Variants in SVIL observed in about 807,000 individuals in gnomAD.
SVIL encodes the protein archvillin.
Under a neutral mutation model 240.4 loss-of-function variants are expected in SVIL, and 101 were observed. That is an observed-to-expected ratio of 0.42 (90% confidence interval 0.36 to 0.50). SVIL has a LOEUF of 0.50. Ranked by LOEUF, SVIL falls within the 20% of genes least tolerant of loss-of-function variation. The pLI, the probability that SVIL is intolerant of heterozygous loss-of-function variation, is 0.01. For synonymous variants in SVIL, 999 were observed against 1,100.0 expected (o/e 0.91, Z 1.82); for missense variants, 2,512 against 2,818.7 (o/e 0.89, Z 2.46).
At chr10:29,571,509 TAAGTG>T (rs1284329119) in intron 1 of SVIL, among the ~76,000 whole-genome samples, 5 of 152,296 alleles carry the variant, frequency 3.3e-5, no homozygotes, top group South Asian at 2.1e-4. Flanking sequence ...TTGGCTAAGT[TAAGTG>T]AAGTATTTTA....
At chr10:29,703,841 G>T (rs939136122) in intron 1 of SVIL, among the ~76,000 whole-genome samples, 2 of 152,136 alleles carry the variant, frequency 1.3e-5, no homozygotes, top group Non-Finnish European at 2.9e-5. Context: ...TAGATCAGTC[G>T]CCCAGGCTGG....
At chr10:29,684,971 T>C (rs1564761755) in intron 2 of SVIL, among the ~76,000 whole-genome samples, 1 of 152,094 alleles carries the variant, frequency 6.6e-6, no homozygotes, top group Non-Finnish European at 1.5e-5. Context: ...GTTTATTACG[T>C]AGGTAAAACT....
At chr10:29,516,551 G>A (rs1157006654) in intron 16 of SVIL, among the ~76,000 whole-genome samples, 6 of 152,192 alleles carry the variant, frequency 3.9e-5, no homozygotes, top group African/African-American at 4.8e-5. Context: ...TCGAGGAGCC[G>A]ACGTCTGGGC....
At chr10:29,721,631 T>C (rs183916232) in intron 1 of SVIL, among the ~76,000 whole-genome samples, 1 of 152,166 alleles carries the variant, frequency 6.6e-6, no homozygotes, top group Non-Finnish European at 1.5e-5. Context: ...TTCATAATGA[T>C]AAAGTCACCA....
chr10:29,556,256 G>T (rs1434252860), intron 3 of SVIL, among the ~76,000 whole-genome samples: 1 of 152,168 alleles, frequency 6.6e-6, no homozygotes, highest in Non-Finnish European at 1.5e-5. Context: ...TCCTATGAAG[G>T]ACTCAGAATG....
intron 1 of SVIL, among the ~76,000 whole-genome samples, chr10:29,704,432 T>A (rs1391135254): frequency 1.3e-5 from 2 of 152,112 alleles, no homozygotes; most frequent in Non-Finnish European, 2.9e-5. Flanking sequence ...TCTCTCTCTC[T>A]CTTTTTTTCT....
At chr10:29,633,030 A>G (rs1024646351) in intron 1 of SVIL, among the ~76,000 whole-genome samples, 4 of 152,062 alleles carry the variant, frequency 2.6e-5, no homozygotes, top group African/African-American at 9.7e-5. Flanking sequence ...TCAGGAGTTC[A>G]AGATCAGCCT....
intron 1 of SVIL, among the ~76,000 whole-genome samples, chr10:29,712,576 C>G (rs1963365793): frequency 6.6e-6 from 1 of 152,202 alleles, no homozygotes; most frequent in South Asian, 2.1e-4. Flanking sequence ...AAATAAAACT[C>G]TTCTTTATAA....
At chr10:29,537,555 A>G (rs971185658) in intron 6 of SVIL, among the ~76,000 whole-genome samples, 5 of 152,230 alleles carry the variant, frequency 3.3e-5, no homozygotes, top group African/African-American at 1.2e-4. Context: ...TGTAGAAAGA[A>G]AAAAAGGAAA....
At chr10:29,723,223 A>T (rs1341523863) in intron 1 of SVIL, among the ~76,000 whole-genome samples, 1 of 152,190 alleles carries the variant, frequency 6.6e-6, no homozygotes, top group African/African-American at 2.4e-5. Context: ...TTAGCCAGCC[A>T]CTGGCCAAAA....
chr10:29,516,002 A>G (rs2132504052), intron 16 of SVIL, among the ~76,000 whole-genome samples: 1 of 152,196 alleles, frequency 6.6e-6, no homozygotes, highest in South Asian at 2.1e-4. Context: ...CAAGAATTCC[A>G]TTGACTGAGG....
At chr10:29,641,086 G>A (rs866162159) in intron 3 of SVIL, among the ~76,000 whole-genome samples, 6 of 151,840 alleles carry the variant, frequency 4.0e-5, no homozygotes, top group African/African-American at 1.5e-4. Flanking sequence ...CCAGATCCTG[G>A]CCCATATGGC....
rs1589036836 is a variant in SVIL at position 29,507,713 on chromosome 10, T to C, written c.3516+5022A>G. 8 of 974,362 alleles carry C rather than the reference T, an allele frequency of 8.2e-6. 1 individual carries two copies. The South Asian group carries it at 2.8e-4, about 35-fold the overall frequency. The allele number at this position is 974,362 out of a possible 1,614,324, so 60.4% of individuals were successfully genotyped here. A position where few individuals can be genotyped will look rare whatever the true frequency, so the allele number is the denominator to read the frequency against. On this transcript the variant is annotated intron_variant, in intron 17 of 37. Coordinates refer to ENST00000355867, the MANE Select transcript of SVIL (RefSeq NM_021738.3). Reference sequence around the variant, plus strand: ...TATTGCTCAGAAATTGCAGTGAGGCTTAAGATGAGTGGCTTTTCCTCACCT... The same window carrying C: ...TATTGCTCAGAAATTGCAGTGAGGCCTAAGATGAGTGGCTTTTCCTCACCT...
At chr10:29,516,387 G>A (rs1296643352) in intron 16 of SVIL, among the ~76,000 whole-genome samples, 3 of 152,114 alleles carry the variant, frequency 2.0e-5, no homozygotes, top group Admixed American at 6.5e-5. Flanking sequence ...AAAATAACAC[G>A]CACTAAAACT....
chr10:29,514,938 G>T (rs1230344344), intron 16 of SVIL, among the ~76,000 whole-genome samples: 3 of 152,168 alleles, frequency 2.0e-5, no homozygotes, highest in African/African-American at 7.2e-5. Context: ...CGACATCTAC[G>T]TATGTGTACA....
chr10:29,681,879 G>A lies in SVIL; in HGVS notation c.-301+4674C>T, dbSNP rs572116776. Among the ~76,000 whole-genome samples the A allele has an allele frequency of 2.0e-5, 3 of 152,238 alleles. No homozygotes were observed. In the East Asian group the frequency reaches 5.8e-4, roughly 29 times the overall value. On this transcript the variant is annotated intron_variant, in intron 2 of 35. Transcript: ENST00000375400. ...AGGGCTTCTTACACAGGCTAGGAAG[G>A]GAGACCAAAGGGGCACCTTAACCCT...
intron 1 of SVIL, among the ~76,000 whole-genome samples, chr10:29,589,277 T>G (rs929038960): frequency 7.2e-5 from 11 of 152,108 alleles, no homozygotes; most frequent in Admixed American, 1.3e-4. Flanking sequence ...GCCTCGACAC[T>G]GAAGCACTCA....
intron 3 of SVIL, among the ~76,000 whole-genome samples, chr10:29,562,722 T>C (rs372621281): frequency 2.8e-4 from 39 of 140,838 alleles, no homozygotes; most frequent in African/African-American, 1.0e-3. Flanking sequence ...CATTGTGCCA[T>C]TGCACTCCAG....
chr10:29,506,746 C>CAGAGGCCT (rs1949358562), intron 17 of SVIL, among the ~76,000 whole-genome samples: 1 of 142,824 alleles, frequency 7.0e-6, no homozygotes, highest in Non-Finnish European at 1.6e-5. Flanking sequence ...GACAGAGGCC[C>CAGAGGCCT]TAGAGGGAGG....
Sources: gnomAD v4.1 joint callset for allele counts (sites outside exome capture counted in the v4.1 genomes callset) on GRCh38, gnomAD v4.1.1 for gene constraint, MANE v1.5 for transcripts, NCBI Gene and HGNC (gene_info 2026-07-23, HGNC 2026-07-21) for gene names.